MCOLN3: variants seen among roughly 807,000 people sequenced by gnomAD.
The protein encoded by MCOLN3 is mucolipin TRP cation channel 3.
In MCOLN3, 62 loss-of-function variants were observed where a neutral mutation model predicts 69.4. The observed-to-expected ratio is 0.89, with a 90% CI of 0.73 to 1.10. The LOEUF (loss-of-function observed/expected upper bound fraction) is 1.10, where lower values mean the gene tolerates loss of function less well. Among genes scored for constraint, MCOLN3 ranks in the 50% least tolerant of loss-of-function variants. The pLI, the probability that MCOLN3 is intolerant of heterozygous loss-of-function variation, is 0.00. For missense variants in MCOLN3, 564 were observed against 656.4 expected, an observed-to-expected ratio of 0.86 and a Z score of 1.54; for synonymous variants, 183 against 217.0, an observed-to-expected ratio of 0.84 and a Z score of 1.38.
At chr1:85,041,870 C>CAAAA (rs11446470) in intron 2 of MCOLN3, among the ~76,000 whole-genome samples, 9 of 69,628 alleles carry the variant, frequency 1.3e-4, no homozygotes, top group African/African-American at 4.4e-4. Flanking sequence ...AACTACGTCT[C>CAAAA]AAAAAAAAAA....
intron 3 of MCOLN3, among the ~76,000 whole-genome samples, chr1:85,040,752 G>A (rs1433901630): frequency 2.0e-5 from 3 of 152,130 alleles, no homozygotes; most frequent in African/African-American, 7.2e-5. Flanking sequence ...CCCATGCCAA[G>A]CCCTAACTCT....
At chr1:85,043,267 C>T (rs7553739) in intron 2 of MCOLN3, among the ~76,000 whole-genome samples, 3,380 of 152,204 alleles carry the variant, frequency 0.022, 135 homozygotes, top group African/African-American at 0.077. Flanking sequence ...CTGTAGCTCA[C>T]GCCTGTAATC....
Position 85,018,990 on chromosome 1 carries a change from T to C in MCOLN3, c.*133A>G. 2.7e-6 allele frequency: 2 copies of C among 749,918 alleles called. No homozygotes were observed. The highest frequency in any genetic ancestry group is 2.6e-5 in the South Asian group (1 of 38,690). 46.5% of individuals were successfully genotyped at this position (749,918 alleles called of 1,614,324 possible). A position where few individuals can be genotyped will look rare whatever the true frequency, so the allele number is the denominator to read the frequency against. On this transcript the variant is annotated 3_prime_UTR_variant, in exon 13 of 13. Transcript: ENST00000370589. Reference sequence around the variant, plus strand: ...TTGCTTTTAAAAATATAAACAGTTATTGGTGAATTATAGGTCTCAATTAGC... The same window carrying C: ...TTGCTTTTAAAAATATAAACAGTTACTGGTGAATTATAGGTCTCAATTAGC...
At chr1:85,030,050 T>G (rs1461169991) in intron 6 of MCOLN3, 2 of 152,242 alleles carry the variant, frequency 1.3e-5, no homozygotes, top group Non-Finnish European at 2.9e-5. Context: ...ACCACTGTAT[T>G]TCTCCTCATG....
At chr1:85,040,474 ACT>A (rs1259035986) in intron 3 of MCOLN3, among the ~76,000 whole-genome samples, 1 of 152,180 alleles carries the variant, frequency 6.6e-6, no homozygotes, top group Non-Finnish European at 1.5e-5. Flanking sequence ...TATATTACAA[ACT>A]CAGAATAAAA....
intron 6 of MCOLN3, among the ~76,000 whole-genome samples, chr1:85,030,302 T>A (rs1189787989): frequency 2.0e-5 from 3 of 152,226 alleles, no homozygotes; most frequent in Non-Finnish European, 4.4e-5. Flanking sequence ...GGACTTAATG[T>A]CAATCACATC....
At chr1:85,032,587 A>G (rs1652591647) in intron 6 of MCOLN3, 109 bp downstream of exon 6, 2 of 842,364 alleles carry the variant, frequency 2.4e-6, no homozygotes, top group Non-Finnish European at 4.0e-6. Flanking sequence ...CATTCAAGTG[A>G]AAACATCCTA....
intron 4 of MCOLN3, 91 bp downstream of exon 4, chr1:85,034,007 C>G: frequency 7.3e-7 from 1 of 1,375,450 alleles, no homozygotes; most frequent in Non-Finnish European, 1.0e-6. Flanking sequence ...ATATCACAGA[C>G]CAAATCAATG....
chr1:85,035,401 T>C (rs1316502822), intron 3 of MCOLN3, among the ~76,000 whole-genome samples: 2 of 152,188 alleles, frequency 1.3e-5, no homozygotes, highest in Non-Finnish European at 2.9e-5. Flanking sequence ...ATACCACACA[T>C]GGATGACAAT....
intron 6 of MCOLN3, among the ~76,000 whole-genome samples, chr1:85,030,605 T>C (rs757795432): frequency 9.2e-5 from 14 of 152,074 alleles, no homozygotes; most frequent in Non-Finnish European, 1.9e-4. Context: ...TAATGACAAC[T>C]ATAAACCTAC....
Position 85,018,898 on chromosome 1 carries a change from C to A in MCOLN3, c.*225G>T. The stretch of plus-strand genomic sequence containing the variant: ...AAATAAACAAGAAATAATAATAATC[C>A]AATAGCTTTCCTCATTAAAGTTTTT... On this transcript the variant is annotated 3_prime_UTR_variant, in exon 13 of 13. Coordinates refer to ENST00000370589, the MANE Select transcript of MCOLN3 (RefSeq NM_018298.11). The A allele has an allele frequency of 6.6e-6, 3 of 453,984 alleles. No individual in the cohort carries two copies. Among genetic ancestry groups the A allele is most frequent in the South Asian group, 6.6e-5 (2 of 30,398 alleles). 28.1% of individuals were successfully genotyped at this position (453,984 alleles called of 1,614,324 possible).
At chr1:85,030,277 T>C (rs1001464946) in intron 6 of MCOLN3, among the ~76,000 whole-genome samples, 4 of 152,178 alleles carry the variant, frequency 2.6e-5, no homozygotes, top group African/African-American at 9.7e-5. Context: ...TAAATATCTA[T>C]TGAGTAAAAA....
At chr1:85,038,351 A>C (rs1050131935) in intron 3 of MCOLN3, among the ~76,000 whole-genome samples, 12 of 152,230 alleles carry the variant, frequency 7.9e-5, no homozygotes, top group Non-Finnish European at 1.8e-4. Context: ...ATGAAAGAAA[A>C]GGAGCCAATA....
intron 1 of MCOLN3, among the ~76,000 whole-genome samples, chr1:85,046,726 T>G (rs1358660922): frequency 6.6e-6 from 1 of 152,182 alleles, no homozygotes; most frequent in Non-Finnish European, 1.5e-5. Context: ...AAGAATAGCA[T>G]GGGGAAGGTT....
At chr1:85,038,204 T>C (rs1224043381) in intron 3 of MCOLN3, among the ~76,000 whole-genome samples, 1 of 152,082 alleles carries the variant, frequency 6.6e-6, no homozygotes, top group Non-Finnish European at 1.5e-5. Flanking sequence ...TCTGAGGTGC[T>C]TGTGAGGTAG....
chr1:85,025,235 T>G (rs1652152536), intron 9 of MCOLN3: 1 of 152,206 alleles, frequency 6.6e-6, no homozygotes, highest in South Asian at 2.1e-4. Flanking sequence ...AGCTCCTATC[T>G]TCTCTGAGCC....
intron 3 of MCOLN3, among the ~76,000 whole-genome samples, chr1:85,039,557 C>T (rs1269798649): frequency 1.3e-5 from 2 of 152,014 alleles, no homozygotes; most frequent in East Asian, 3.9e-4. Context: ...ACCAAGACAA[C>T]TAGAATAAAG....
chr1:85,023,115 C>CT (rs1408437319), intron 9 of MCOLN3: 1 of 136,234 alleles, frequency 7.3e-6, no homozygotes, highest in Non-Finnish European at 1.5e-5. Context: ...GGGTCTCACT[C>CT]TGTCACCCAG....
rs34909520 is a variant in MCOLN3, at chr1:85,018,918, GT to G, written c.*204del. 7.9e-6 allele frequency: 4 copies of G among 508,056 alleles called. No individual in the cohort carries two copies. The highest frequency in any genetic ancestry group is 5.3e-4 in the Middle Eastern group (1 of 1,896). 31.5% of individuals were successfully genotyped at this position (508,056 alleles called of 1,614,324 possible). ...TAATCCAATAGCTTTCCTCATTAAA[GT>G]TTTTTTAAAAACAATCCCAGCATAA... On this transcript the variant is annotated 3_prime_UTR_variant, in exon 13 of 13. Coordinates refer to ENST00000370589, the MANE Select transcript of MCOLN3 (RefSeq NM_018298.11).
Sources: allele counts gnomAD v4.1 joint callset (sites outside exome capture counted in the v4.1 genomes callset), GRCh38; gene constraint gnomAD v4.1.1; transcripts MANE v1.5; gene names NCBI Gene and HGNC (gene_info 2026-07-23, HGNC 2026-07-21).